The following NRXN3 variants were observed in gnomAD, a reference collection of about 807,000 sequenced individuals.
The protein encoded by NRXN3 is neurexin III.
A neutral mutation model predicts 137.6 loss-of-function variants in NRXN3; 32 were observed. The ratio of observed to expected loss-of-function variants is 0.23; its 90% CI spans 0.18 to 0.31. The LOEUF (loss-of-function observed/expected upper bound fraction) is 0.31. Ranked by LOEUF, NRXN3 falls within the 10% of genes least tolerant of loss-of-function variation. NRXN3 has a pLI of 1.00. For missense variants in NRXN3, 1,574 were observed against 2,062.5 expected (o/e 0.76, Z 4.59); for synonymous variants, 798 against 784.5 (o/e 1.02, Z -0.29).
rs746049264 is a variant in NRXN3, at chr14:79,154,082, G to A, written c.3262+165941G>A. Among the ~76,000 whole-genome samples the A allele has an allele frequency of 1.3e-5, 2 of 152,058 alleles. 1 individual carries two copies. The highest frequency in any genetic ancestry group is 4.1e-4 in the South Asian group (2 of 4,828). ...TTTCTAGCACTTACTACTCTTTTAT[G>A]ACTTTTACTTTACTTAATTTTCTTA... On this transcript the variant is annotated intron_variant, in intron 15 of 20. Coordinates refer to ENST00000335750, the MANE Select transcript of NRXN3 (RefSeq NM_001330195.2).
intron 5 of NRXN3, among the ~76,000 whole-genome samples, chr14:78,650,134 A>G (rs776227645): frequency 8.6e-5 from 13 of 152,006 alleles, no homozygotes; most frequent in Non-Finnish European, 1.5e-5. Flanking sequence ...GCAGGCAGAG[A>G]AAAGACTACC....
chr14:79,728,209 A>G (rs779584358), intron 19 of NRXN3, among the ~76,000 whole-genome samples: 1 of 152,206 alleles, frequency 6.6e-6, no homozygotes, highest in Non-Finnish European at 1.5e-5. Flanking sequence ...TGATTTTTAA[A>G]GCAAAGCAGG....
chr14:79,632,814 G>A (rs2098368947), intron 16 of NRXN3, among the ~76,000 whole-genome samples: 1 of 152,110 alleles, frequency 6.6e-6, no homozygotes. Context: ...ACTAAACACA[G>A]CTAGTAAGTT....
chr14:79,581,602 T>C (rs1177506251), intron 16 of NRXN3, among the ~76,000 whole-genome samples: 1 of 152,230 alleles, frequency 6.6e-6, no homozygotes, highest in East Asian at 1.9e-4. Context: ...ATCATCCTTC[T>C]TCTCCTACTT....
At chr14:78,488,248 A>G (rs907173426) in intron 4 of NRXN3, among the ~76,000 whole-genome samples, 2 of 152,196 alleles carry the variant, frequency 1.3e-5, no homozygotes, top group African/African-American at 4.8e-5. Flanking sequence ...AAAATCACCT[A>G]TCTCCAAATA....
intron 16 of NRXN3, among the ~76,000 whole-genome samples, chr14:79,642,462 C>T (rs2098437636): frequency 7.4e-6 from 1 of 135,534 alleles, no homozygotes; most frequent in African/African-American, 2.5e-5. Flanking sequence ...CATTTGTATT[C>T]TGTCATTCAA....
chr14:78,766,531 G>A (rs1162042728), intron 8 of NRXN3, among the ~76,000 whole-genome samples: 1 of 152,212 alleles, frequency 6.6e-6, no homozygotes, highest in Non-Finnish European at 1.5e-5. Context: ...TCCACAAGTT[G>A]ATTGTGGATA....
chr14:79,110,328 C>G (rs954814428), intron 15 of NRXN3, among the ~76,000 whole-genome samples: 1 of 152,184 alleles, frequency 6.6e-6, no homozygotes, highest in Non-Finnish European at 1.5e-5. Context: ...TGGTGTGGGC[C>G]AACCTTCAAA....
chr14:78,240,035 A>G (rs2066880604), intron 1 of NRXN3, among the ~76,000 whole-genome samples: 1 of 152,098 alleles, frequency 6.6e-6, no homozygotes, highest in Non-Finnish European at 1.5e-5. Context: ...ACCTTCTCAA[A>G]TACTCTTTGT....
chr14:78,611,623 G>A (rs1187707743), intron 4 of NRXN3, among the ~76,000 whole-genome samples: 1 of 152,166 alleles, frequency 6.6e-6, no homozygotes, highest in Non-Finnish European at 1.5e-5. Context: ...TTTTAAAGGG[G>A]CTCAGAGAAG....
intron 4 of NRXN3, among the ~76,000 whole-genome samples, chr14:78,528,585 T>A (rs1384715114): frequency 6.6e-6 from 1 of 152,158 alleles, no homozygotes; most frequent in African/African-American, 2.4e-5. Flanking sequence ...ATTATGGGTT[T>A]AGTACCTAGA....
At chr14:78,409,128 C>G (rs928730921) in intron 4 of NRXN3, among the ~76,000 whole-genome samples, 1 of 152,180 alleles carries the variant, frequency 6.6e-6, no homozygotes, top group African/African-American at 2.4e-5. Flanking sequence ...GCTACAAATA[C>G]AAAGAAAAGC....
At chr14:79,314,007 G>C (rs1385747415) in intron 15 of NRXN3, 1 of 151,462 alleles carries the variant, frequency 6.6e-6, no homozygotes, top group Non-Finnish European at 1.5e-5. Context: ...AGGAGGAGAG[G>C]CGCTCTGCGT....
At chr14:78,365,337 T>G (rs949562356) in intron 4 of NRXN3, among the ~76,000 whole-genome samples, 6 of 152,164 alleles carry the variant, frequency 3.9e-5, no homozygotes, top group Admixed American at 6.6e-5. Context: ...AAAGGTTTAT[T>G]TGTTGCTCAC....
chr14:79,023,610 A>G (rs2099593393), intron 15 of NRXN3, among the ~76,000 whole-genome samples: 1 of 152,108 alleles, frequency 6.6e-6, no homozygotes, highest in Non-Finnish European at 1.5e-5. Flanking sequence ...ACAGTTCTGC[A>G]TTGCTGGGAA....
intron 16 of NRXN3, among the ~76,000 whole-genome samples, chr14:79,605,023 C>T (rs1213052914): frequency 6.6e-6 from 1 of 152,112 alleles, no homozygotes; most frequent in Non-Finnish European, 1.5e-5. Flanking sequence ...CAGAGTGAGA[C>T]TCCATCTCAA....
At chr14:79,176,705 T>C (rs2062377181) in intron 15 of NRXN3, among the ~76,000 whole-genome samples, 1 of 152,230 alleles carries the variant, frequency 6.6e-6, no homozygotes, top group Non-Finnish European at 1.5e-5. Context: ...TCATGTTCAA[T>C]TAAAATATTA....
chr14:78,775,170 G>T (rs995036129), intron 8 of NRXN3, among the ~76,000 whole-genome samples: 13 of 152,182 alleles, frequency 8.5e-5, no homozygotes, highest in African/African-American at 2.9e-4. Context: ...ACTATGCTCA[G>T]TTCTGTTGAG....
intron 20 of NRXN3, among the ~76,000 whole-genome samples, chr14:79,814,250 C>T (rs2099244776): frequency 1.3e-5 from 2 of 152,240 alleles, no homozygotes; most frequent in African/African-American, 2.4e-5. Context: ...CTTGGCACAG[C>T]AGTCAAGCAT....
Sources: gnomAD v4.1 joint callset for allele counts (sites outside exome capture counted in the v4.1 genomes callset) on GRCh38, gnomAD v4.1.1 for gene constraint, MANE v1.5 for transcripts, NCBI Gene and HGNC (gene_info 2026-07-23, HGNC 2026-07-21) for gene names.